DCC: variants seen among roughly 807,000 people sequenced by gnomAD.
The protein encoded by DCC is DCC netrin 1 receptor.
DCC carries 58 observed loss-of-function variants against 172.5 expected under a neutral mutation model. The observed-to-expected ratio is 0.34, with a 90% CI of 0.27 to 0.42. The LOEUF is 0.42. DCC is among the 10% of genes least tolerant of loss of function. DCC has a pLI of 1.00. For synonymous variants in DCC, 709 were observed against 644.5 expected (o/e 1.10, Z -1.52); for missense variants, 1,740 against 1,791.0 (o/e 0.97, Z 0.51).
intron 1 of DCC, among the ~76,000 whole-genome samples, chr18:52,727,332 G>C (rs562150244): frequency 6.6e-6 from 1 of 152,216 alleles, no homozygotes; most frequent in East Asian, 1.9e-4. Context: ...TTAGTTTTCT[G>C]AGACCATTCT....
At chr18:53,053,851 C>G (rs2042366906) in intron 5 of DCC, among the ~76,000 whole-genome samples, 1 of 152,046 alleles carries the variant, frequency 6.6e-6, no homozygotes, top group African/African-American at 2.4e-5. Context: ...TCATTTAGTT[C>G]ACAGCTAAAA....
At chr18:53,132,299 A>G (rs2144323195) in intron 7 of DCC, among the ~76,000 whole-genome samples, 1 of 152,200 alleles carries the variant, frequency 6.6e-6, no homozygotes, top group East Asian at 1.9e-4. Context: ...GCCAATTTCA[A>G]GCTACTAACT....
chr18:53,092,804 T>G (rs891009751), intron 7 of DCC, among the ~76,000 whole-genome samples: 2 of 152,078 alleles, frequency 1.3e-5, no homozygotes, highest in Non-Finnish European at 2.9e-5. Flanking sequence ...CCAGTCCCCA[T>G]CACAGACCCT....
chr18:53,032,955 T>C (rs2042045050), intron 5 of DCC, among the ~76,000 whole-genome samples: 1 of 152,158 alleles, frequency 6.6e-6, no homozygotes, highest in Non-Finnish European at 1.5e-5. Context: ...CGTAATGGCA[T>C]ACCTAGTTGT....
At chr18:53,159,145 T>C (rs370753761) in intron 8 of DCC, among the ~76,000 whole-genome samples, 40 of 152,266 alleles carry the variant, frequency 2.6e-4, no homozygotes, top group African/African-American at 8.4e-4. Context: ...TGGATTTCAG[T>C]GTGTGCAGCT....
chr18:53,393,251 T>C (rs1908691942), intron 17 of DCC, among the ~76,000 whole-genome samples: 1 of 152,344 alleles, frequency 6.6e-6, no homozygotes, highest in Non-Finnish European at 1.5e-5. Context: ...GATCTTCCTG[T>C]GGTGTCTTTC....
At chr18:52,701,449 C>T (rs969724892) in intron 1 of DCC, among the ~76,000 whole-genome samples, 1 of 152,060 alleles carries the variant, frequency 6.6e-6, no homozygotes, top group African/African-American at 2.4e-5. Flanking sequence ...TACCCATAGA[C>T]AGTATAATAA....
At chr18:53,148,977 C>T (rs990313759) in intron 7 of DCC, among the ~76,000 whole-genome samples, 4 of 151,064 alleles carry the variant, frequency 2.6e-5, no homozygotes, top group African/African-American at 7.3e-5. Flanking sequence ...AATTCTCTGC[C>T]TCAGCTTCTT....
intron 5 of DCC, among the ~76,000 whole-genome samples, chr18:53,050,996 G>A (rs890868350): frequency 5.7e-4 from 87 of 152,268 alleles, no homozygotes; most frequent in African/African-American, 1.9e-3. Context: ...TTAGGAGGCT[G>A]AGGCAGGAGG....
Position 53,176,482 on chromosome 18 carries a change from GA to G in DCC, c.1419-2473del, listed in dbSNP as rs1314096041. The stretch of plus-strand genomic sequence containing the variant: ...ACAATGAACTCAAACAAATTTACAA[GA>G]AAAAAACAAACAACCCCATCAAAAA... On this transcript the variant is annotated intron_variant, in intron 8 of 28. Transcript: ENST00000442544. Among the ~76,000 whole-genome samples the G allele has an allele frequency of 3.3e-5, 5 of 149,434 alleles. No individual in the cohort carries two copies. The East Asian group carries it at 5.8e-4, about 17-fold the overall frequency.
intron 1 of DCC, among the ~76,000 whole-genome samples, chr18:52,544,559 C>T (rs1361057703): frequency 1.3e-5 from 2 of 151,890 alleles, no homozygotes; most frequent in Non-Finnish European, 2.9e-5. Flanking sequence ...GAACAGTTGA[C>T]TCAGTGTGCT....
chr18:53,159,335 A>G (rs2054798256), intron 8 of DCC, among the ~76,000 whole-genome samples: 2 of 152,122 alleles, frequency 1.3e-5, no homozygotes, highest in African/African-American at 4.8e-5. Flanking sequence ...CAAAAAATTC[A>G]TGCCATGTTT....
chr18:53,240,792 C>T (rs749504887), intron 12 of DCC, among the ~76,000 whole-genome samples: 11 of 152,286 alleles, frequency 7.2e-5, no homozygotes, highest in Non-Finnish European at 1.0e-4. Context: ...GCTATGGCTA[C>T]ACTCACAAAC....
At chr18:53,198,941 C>T (rs987414711) in intron 9 of DCC, among the ~76,000 whole-genome samples, 2 of 152,154 alleles carry the variant, frequency 1.3e-5, no homozygotes, top group Non-Finnish European at 2.9e-5. Flanking sequence ...ATATTAAAGA[C>T]ATCTTCGAAA....
At chr18:53,046,660 G>A (rs945972133) in intron 5 of DCC, among the ~76,000 whole-genome samples, 1 of 151,908 alleles carries the variant, frequency 6.6e-6, no homozygotes, top group Non-Finnish European at 1.5e-5. Context: ...AACACTTGAA[G>A]GAATTCCACA....
intron 1 of DCC, among the ~76,000 whole-genome samples, chr18:52,588,866 CT>C (rs373655091): frequency 0.033 from 4,743 of 145,830 alleles, 218 homozygotes; most frequent in African/African-American, 0.11. Context: ...CCAACAGCAT[CT>C]TTTTTTTTTT....
At chr18:52,437,871 T>C (rs1987846840) in intron 1 of DCC, among the ~76,000 whole-genome samples, 1 of 152,200 alleles carries the variant, frequency 6.6e-6, no homozygotes, top group African/African-American at 2.4e-5. Context: ...GTAAATACTA[T>C]GGTGCCTCCA....
chr18:52,930,908 A>T (rs115987770), intron 5 of DCC, among the ~76,000 whole-genome samples: 2,255 of 152,210 alleles, frequency 0.015, 43 homozygotes, highest in African/African-American at 0.038. Flanking sequence ...TATCTCTAAA[A>T]ATCTGGTTAT....
chr18:52,958,324 A>G (rs2030674849), intron 5 of DCC, among the ~76,000 whole-genome samples: 1 of 152,162 alleles, frequency 6.6e-6, no homozygotes, highest in African/African-American at 2.4e-5. Context: ...TCTATCCAAA[A>G]ATGTATTCAA....
Sources: gnomAD v4.1 joint callset for allele counts (sites outside exome capture counted in the v4.1 genomes callset) on GRCh38, gnomAD v4.1.1 for gene constraint, MANE v1.5 for transcripts, NCBI Gene and HGNC (gene_info 2026-07-23, HGNC 2026-07-21) for gene names.